Variants in CDK8 observed in about 807,000 individuals in gnomAD.
CDK8 encodes the protein cyclin-dependent kinase 8.
In CDK8, 29 loss-of-function variants were observed where a neutral mutation model predicts 71.5. That is an observed-to-expected ratio of 0.41 (90% CI 0.30 to 0.55). The LOEUF (loss-of-function observed/expected upper bound fraction) is 0.55, where lower values mean the gene tolerates loss of function less well. Among genes scored for constraint, CDK8 ranks in the 20% least tolerant of loss-of-function variants. CDK8 has a pLI of 0.37. For synonymous variants in CDK8, 161 were observed against 192.1 expected (o/e 0.84, Z 1.34); for missense variants, 288 against 572.6 (o/e 0.50, Z 5.07).
chr13:26,336,805 T>C (rs567249415), intron 1 of CDK8, among the ~76,000 whole-genome samples: 17 of 152,020 alleles, frequency 1.1e-4, no homozygotes, highest in Non-Finnish European at 2.1e-4. Context: ...CTGCCTGCCT[T>C]GGCCTCCCAA....
chr13:26,315,372 A>G (rs984191802), intron 1 of CDK8, among the ~76,000 whole-genome samples: 1 of 152,188 alleles, frequency 6.6e-6, no homozygotes, highest in Non-Finnish European at 1.5e-5. Context: ...GTCTCTGTTC[A>G]TTGCCAGATC....
intron 1 of CDK8, among the ~76,000 whole-genome samples, chr13:26,323,094 T>G (rs954569194): frequency 3.3e-5 from 5 of 152,160 alleles, no homozygotes; most frequent in Non-Finnish European, 5.9e-5. Flanking sequence ...CTGTACAAGG[T>G]CCTACTTTGT....
At chr13:26,310,921 A>C (rs969039169) in intron 1 of CDK8, among the ~76,000 whole-genome samples, 1 of 152,068 alleles carries the variant, frequency 6.6e-6, no homozygotes, top group Non-Finnish European at 1.5e-5. Flanking sequence ...ATGCCCGTAA[A>C]TCCTGGGTGA....
rs1876254172 is a variant in CDK8, at chr13:26,401,488, G to A, written c.1133G>A (p.Gly378Asp). Residue 378 changes from glycine (G) to aspartate (D), a missense_variant, in exon 12 of 13, where the codon GGC becomes GAC. Transcript: ENST00000381527. This position sits in a 1 kb window ranked among gnomAD's most constrained non-coding sequence, Gnocchi z 4.5. Reference protein sequence around the residue: ...GDKKNQQQQQGNNHTNGTGHP... With the variant: ...GDKKNQQQQQDNNHTNGTGHP... ...GAGAAGAACCAGCAGCAGCAGCAGG[G>A]CAATAACCACACTAATGGAACTGGC... 1 of 1,614,130 alleles carries A rather than the reference G, an allele frequency of 6.2e-7. No homozygotes were observed. The highest frequency in any genetic ancestry group is 8.5e-7 in the Non-Finnish European group (1 of 1,180,016).
At chr13:26,268,503 A>T (rs1269284386) in intron 1 of CDK8, among the ~76,000 whole-genome samples, 2 of 151,860 alleles carry the variant, frequency 1.3e-5, no homozygotes, top group African/African-American at 4.8e-5. Context: ...TTTTGTAGAG[A>T]TGTAGTTTTG....
chr13:26,341,182 A>G (rs1173444587), intron 2 of CDK8, among the ~76,000 whole-genome samples: 2 of 152,172 alleles, frequency 1.3e-5, no homozygotes, highest in African/African-American at 4.8e-5. Context: ...GCTGGAGTGC[A>G]ATGGCACGAT....
In CDK8 at chr13:26,260,183, CT is replaced by C. The variant is rs1389213668; in HGVS notation, c.128+5415del. Among the ~76,000 whole-genome samples the C allele has an allele frequency of 2.0e-5, 3 of 152,170 alleles. No homozygotes were observed. The East Asian group carries it at 5.8e-4, about 29-fold the overall frequency. ...TGCCTTTCTTTTCCCCTTGTTTTCC[CT>C]GGCCAGCATTTTTTGAGTTCTTGCT... On this transcript the variant is annotated intron_variant, in intron 1 of 12. Transcript: ENST00000381527.
chr13:26,403,861 T>C, intron 12 of CDK8, 95 bp from the exon 13 acceptor site: 1 of 1,465,084 alleles, frequency 6.8e-7, no homozygotes, highest in Non-Finnish European at 9.3e-7. Context: ...ATACATCCTT[T>C]CTTCCTTGAA....
intron 1 of CDK8, among the ~76,000 whole-genome samples, chr13:26,337,053 T>C (rs954671416): frequency 2.2e-5 from 3 of 135,398 alleles, no homozygotes; most frequent in Non-Finnish European, 5.0e-5. Flanking sequence ...ACATAGTAAG[T>C]GTTCAGTAAA....
chr13:26,335,753 G>A (rs1468722033), intron 1 of CDK8, among the ~76,000 whole-genome samples: 1 of 151,932 alleles, frequency 6.6e-6, no homozygotes, highest in Non-Finnish European at 1.5e-5. Context: ...GTTCTCTATA[G>A]TAACCACCAT....
chr13:26,386,330 C>G (rs2138052199), intron 6 of CDK8, among the ~76,000 whole-genome samples: 1 of 152,340 alleles, frequency 6.6e-6, no homozygotes, highest in South Asian at 2.1e-4. Flanking sequence ...GCTTCATTCT[C>G]TTTGGTTGCA....
chr13:26,270,559 C>T (rs756257286), intron 1 of CDK8, among the ~76,000 whole-genome samples: 3 of 152,178 alleles, frequency 2.0e-5, no homozygotes, highest in Non-Finnish European at 4.4e-5. Flanking sequence ...AATCCTCAGT[C>T]CTAGACATCC....
At chr13:26,344,836 C>T (rs1873394997) in intron 2 of CDK8, among the ~76,000 whole-genome samples, 1 of 151,900 alleles carries the variant, frequency 6.6e-6, no homozygotes, top group Admixed American at 6.6e-5. Flanking sequence ...CCTGAAGGAC[C>T]TGCCTGAGGA....
intron 4 of CDK8, among the ~76,000 whole-genome samples, chr13:26,369,209 A>T (rs1007358463): frequency 6.6e-6 from 1 of 151,334 alleles, no homozygotes; most frequent in Non-Finnish European, 1.5e-5. Flanking sequence ...AGGTGGGAGG[A>T]TTGCTTGGAA....
intron 1 of CDK8, among the ~76,000 whole-genome samples, chr13:26,333,431 C>T (rs1279937819): frequency 2.0e-5 from 3 of 152,126 alleles, no homozygotes; most frequent in African/African-American, 7.2e-5. Flanking sequence ...TGAGCCACCA[C>T]ACCCGGCTGA....
chr13:26,334,945 C>T (rs1193486915), intron 1 of CDK8, among the ~76,000 whole-genome samples: 1 of 152,124 alleles, frequency 6.6e-6, no homozygotes, highest in Non-Finnish European at 1.5e-5. Flanking sequence ...TCTGTCCTTT[C>T]TTCCTATTAC....
rs17083547 is a variant in CDK8, at chr13:26,267,080, A to G, written c.128+12311A>G. ...ATTCAAAAATATTATGCATCTTTCC[A>G]TGTTGGTAAACGTAGCTCTAAATCA... On this transcript the variant is annotated intron_variant, in intron 1 of 12. Transcript: ENST00000381527. 7.0e-3 allele frequency among the ~76,000 whole-genome samples: 1,069 copies of G among 152,308 alleles called. 21 individuals are homozygous for G. Among genetic ancestry groups the G allele is most frequent in the African/African-American group, 0.023 (952 of 41,564 alleles).
chr13:26,265,376 G>A (rs974204843), intron 1 of CDK8, among the ~76,000 whole-genome samples: 12 of 152,168 alleles, frequency 7.9e-5, no homozygotes, highest in African/African-American at 2.9e-4. Context: ...TACCTAATCT[G>A]CCCTTGGGGA....
chr13:26,272,216 G>A (rs1872360806), intron 1 of CDK8, among the ~76,000 whole-genome samples: 1 of 151,884 alleles, frequency 6.6e-6, no homozygotes, highest in African/African-American at 2.4e-5. Flanking sequence ...TTTTGGCTGG[G>A]CGTAGTGGGT....
Sources: gnomAD v4.1 joint callset for allele counts (sites outside exome capture counted in the v4.1 genomes callset) on GRCh38, gnomAD v4.1.1 for gene constraint, Gnocchi (gnomAD v3.1) non-coding constraint, MANE v1.5 for transcripts, NCBI Gene and HGNC (gene_info 2026-07-23, HGNC 2026-07-21) for gene names.